PTPRT: variants seen among roughly 807,000 people sequenced by gnomAD.
PTPRT encodes the protein protein tyrosine phosphatase receptor type T.
A neutral mutation model predicts 176.8 loss-of-function variants in PTPRT; 56 were observed. That is an observed-to-expected ratio of 0.32 (90% CI 0.26 to 0.40). The LOEUF (loss-of-function observed/expected upper bound fraction) is 0.40, where lower values mean the gene tolerates loss of function less well. PTPRT is among the 10% of genes least tolerant of loss of function. PTPRT has a pLI of 1.00. For missense variants in PTPRT, 1,540 were observed against 1,908.2 expected (o/e 0.81, Z 3.60); for synonymous variants, 783 against 739.0 (o/e 1.06, Z -0.96).
chr20:42,721,498 A>G (rs2076302428), intron 6 of PTPRT, among the ~76,000 whole-genome samples: 1 of 152,146 alleles, frequency 6.6e-6, no homozygotes, highest in African/African-American at 2.4e-5. Flanking sequence ...AGGGCTGGGG[A>G]GGGAGCAGTC....
chr20:42,343,954 C>G (rs1600862267), intron 11 of PTPRT, among the ~76,000 whole-genome samples: 1 of 152,358 alleles, frequency 6.6e-6, no homozygotes. Flanking sequence ...GGCTGGAGTG[C>G]AGTGGTGTGA....
At chr20:42,123,930 C>A (rs925603543) in intron 19 of PTPRT, among the ~76,000 whole-genome samples, 2 of 152,212 alleles carry the variant, frequency 1.3e-5, no homozygotes, top group Non-Finnish European at 1.5e-5. Flanking sequence ...TGAATGGGAG[C>A]TCCATGAAGC....
At chr20:42,842,735 T>C (rs1290739319) in intron 2 of PTPRT, among the ~76,000 whole-genome samples, 1 of 152,192 alleles carries the variant, frequency 6.6e-6, no homozygotes, top group Non-Finnish European at 1.5e-5. Flanking sequence ...TTATTGATCA[T>C]AGTTCTTGAG....
At chr20:42,046,658 A>G in the PTPRT span, among the ~76,000 whole-genome samples, 1 of 152,248 alleles carries the variant, frequency 6.6e-6, no homozygotes. Context: ...ATCTCCCTCT[A>G]TCAATCTTCC....
chr20:42,223,167 C>T (rs988764262), intron 15 of PTPRT, among the ~76,000 whole-genome samples: 5 of 152,158 alleles, frequency 3.3e-5, no homozygotes, highest in African/African-American at 1.2e-4. Context: ...AACTGCAAAA[C>T]AGCAGTAGAC....
chr20:43,063,868 T>C (rs1987569605), intron 1 of PTPRT, among the ~76,000 whole-genome samples: 1 of 152,152 alleles, frequency 6.6e-6, no homozygotes, highest in African/African-American at 2.4e-5. Flanking sequence ...AGTTCATCAG[T>C]TGATGGACTC....
chr20:42,228,696 T>C (rs1171638842), intron 15 of PTPRT, among the ~76,000 whole-genome samples: 1 of 152,132 alleles, frequency 6.6e-6, no homozygotes, highest in Non-Finnish European at 1.5e-5. Context: ...CAAAACAAAA[T>C]TGGAAGGGTA....
chr20:42,596,820 GC>G (rs1165403994), intron 7 of PTPRT, among the ~76,000 whole-genome samples: 1 of 152,172 alleles, frequency 6.6e-6, no homozygotes, highest in Non-Finnish European at 1.5e-5. Context: ...TAAGAGGTTG[GC>G]AACAGCAGGT....
chr20:42,709,150 C>T lies in PTPRT; in HGVS notation c.860-30991G>A, dbSNP rs940021356. Reference sequence around the variant, plus strand: ...CTAAGGTCCTTCGGGACAGAAAGGGCCAGTGCTCAGTTCCCCACATCCTCT... The same window carrying T: ...CTAAGGTCCTTCGGGACAGAAAGGGTCAGTGCTCAGTTCCCCACATCCTCT... On this transcript the variant is annotated intron_variant, in intron 6 of 30. Coordinates refer to ENST00000373187, the MANE Select transcript of PTPRT (RefSeq NM_007050.6). 2.6e-5 allele frequency among the ~76,000 whole-genome samples: 4 copies of T among 152,192 alleles called. No individual in the cohort carries two copies. The South Asian group carries it at 6.2e-4, about 24-fold the overall frequency.
At chr20:42,799,060 G>A (rs1057385259) in intron 2 of PTPRT, among the ~76,000 whole-genome samples, 9 of 151,766 alleles carry the variant, frequency 5.9e-5, no homozygotes, top group Non-Finnish European at 1.3e-4. Context: ...AGAGACACAA[G>A]ACAAAGAAGG....
At chr20:43,050,808 G>A (rs561629873) in intron 1 of PTPRT, among the ~76,000 whole-genome samples, 1 of 152,212 alleles carries the variant, frequency 6.6e-6, no homozygotes, top group African/African-American at 2.4e-5. Context: ...GATACAGATG[G>A]GCCTGATCTC....
intron 7 of PTPRT, among the ~76,000 whole-genome samples, chr20:42,510,871 T>C (rs1171160584): frequency 6.6e-6 from 1 of 152,134 alleles, no homozygotes; most frequent in Non-Finnish European, 1.5e-5. Context: ...CCTGTTGCTA[T>C]GGTTTGAATG....
At chr20:42,224,670 T>C (rs2055964232) in intron 15 of PTPRT, among the ~76,000 whole-genome samples, 1 of 152,180 alleles carries the variant, frequency 6.6e-6, no homozygotes, top group African/African-American at 2.4e-5. Context: ...AACTTTAAAA[T>C]GTCTAGGCAC....
intron 1 of PTPRT, among the ~76,000 whole-genome samples, chr20:43,140,443 AGTGTGTGTGTGTGTGTGTGTGTGTGTGT>A (rs6147356): frequency 1.7e-4 from 25 of 146,960 alleles, no homozygotes; most frequent in South Asian, 1.1e-3. Flanking sequence ...ACCTCTGGGT[AGTGTGTGTGTGTGTGTGTGTGTGTGTGT>A]GTGTGTGTGT....
chr20:43,099,108 G>GAC (rs146407327), intron 1 of PTPRT, among the ~76,000 whole-genome samples: 14 of 150,952 alleles, frequency 9.3e-5, no homozygotes, highest in Middle Eastern at 3.4e-3. Flanking sequence ...CCACCCCCAA[G>GAC]ACACACACAC....
chr20:42,757,135 T>C (rs979624539), intron 5 of PTPRT, among the ~76,000 whole-genome samples: 4 of 151,530 alleles, frequency 2.6e-5, no homozygotes, highest in Non-Finnish European at 5.9e-5. Flanking sequence ...TAAACTTTGC[T>C]AGTGAGCTGA....
rs901577448 is a variant in PTPRT at position 42,916,717 on chromosome 20, G to T, written c.89-30785C>A. On this transcript the variant is annotated intron_variant, in intron 1 of 30. Transcript: ENST00000373187. ...GATTTGCATTTCTCTGATGGCCAGT[G>T]ATGGTGAGCATTTTTTCATGTTTTT... Among the ~76,000 whole-genome samples, 13 of 152,318 alleles carry T rather than the reference G, an allele frequency of 8.5e-5. No individual in the cohort carries two copies. The South Asian group carries it at 1.7e-3, about 19-fold the overall frequency.
intron 2 of PTPRT, among the ~76,000 whole-genome samples, chr20:42,827,673 G>A (rs1372572050): frequency 6.6e-6 from 1 of 152,144 alleles, no homozygotes; most frequent in Non-Finnish European, 1.5e-5. Context: ...GGAGGGACCT[G>A]GTGGGAGGTA....
intron 17 of PTPRT, among the ~76,000 whole-genome samples, chr20:42,145,830 C>A (rs143379774): frequency 8.5e-5 from 13 of 152,276 alleles, no homozygotes; most frequent in East Asian, 5.8e-4. Flanking sequence ...CTGTGTCCAA[C>A]GCCCTTAGAC....
Sources: allele counts gnomAD v4.1 joint callset (sites outside exome capture counted in the v4.1 genomes callset), GRCh38; gene constraint gnomAD v4.1.1; transcripts MANE v1.5; gene names NCBI Gene and HGNC (gene_info 2026-07-23, HGNC 2026-07-21).